The following CNTN6 variants were observed in gnomAD, a reference collection of about 807,000 sequenced individuals.
CNTN6 encodes the protein contactin-6.
Under a neutral mutation model 122.8 loss-of-function variants are expected in CNTN6, and 137 were observed. That is an observed-to-expected ratio of 1.12 (90% CI 0.97 to 1.29). CNTN6 has a LOEUF of 1.29. Ranked by LOEUF, CNTN6 falls within the 50% of genes most tolerant of loss-of-function variation. The pLI is 0.00. For synonymous variants in CNTN6, 570 were observed against 426.0 expected (o/e 1.34, Z -4.16); for missense variants, 1,634 against 1,223.4 (o/e 1.34, Z -5.01).
At chr3:1,256,062 G>A (rs562968638) in intron 4 of CNTN6, among the ~76,000 whole-genome samples, 122 of 152,034 alleles carry the variant, frequency 8.0e-4, no homozygotes, top group African/African-American at 2.6e-3. Context: ...GTAGAGACAA[G>A]GTCTCCCTAT....
chr3:1,328,778 A>T (rs1701877547), intron 10 of CNTN6, among the ~76,000 whole-genome samples: 2 of 151,700 alleles, frequency 1.3e-5, no homozygotes, highest in Non-Finnish European at 2.9e-5. Context: ...AAAGAACTTC[A>T]GTTCACTTGA....
intron 1 of CNTN6, among the ~76,000 whole-genome samples, chr3:1,093,790 T>C (rs1181716923): frequency 1.4e-4 from 22 of 152,180 alleles, no homozygotes; most frequent in Admixed American, 1.4e-3. Context: ...ATGAAAACTT[T>C]CAGAAGTTGA....
intron 5 of CNTN6, among the ~76,000 whole-genome samples, chr3:1,282,102 C>T (rs987022293): frequency 2.6e-5 from 4 of 152,002 alleles, no homozygotes; most frequent in Non-Finnish European, 5.9e-5. Context: ...AAAAACAAAA[C>T]AGAAAAGTGT....
chr3:1,356,321 C>G (rs1352830542), intron 12 of CNTN6, among the ~76,000 whole-genome samples: 1 of 151,744 alleles, frequency 6.6e-6, no homozygotes, highest in African/African-American at 2.4e-5. Context: ...TTATTTTCAA[C>G]TGAAATGTCG....
At position 1,185,199 on chromosome 3, in the gene CNTN6, T is replaced by C. The variant is rs9842889; in HGVS notation, c.56-35488T>C. On this transcript the variant is annotated intron_variant, in intron 2 of 22. Coordinates refer to ENST00000446702, the MANE Select transcript of CNTN6 (RefSeq NM_001289080.2). Reference sequence around the variant, plus strand: ...GGTAATAGAATATGTCCTATTTGGTTCAGGAAACTTAAAATTCCTTCTCCT... The same window carrying C: ...GGTAATAGAATATGTCCTATTTGGTCCAGGAAACTTAAAATTCCTTCTCCT... Among the ~76,000 whole-genome samples the C allele has an allele frequency of 4.9e-3, 739 of 152,306 alleles. 5 individuals are homozygous for C. Among genetic ancestry groups the C allele is most frequent in the African/African-American group, 0.017 (693 of 41,572 alleles).
At chr3:1,344,023 G>T (rs1388382982) in intron 11 of CNTN6, among the ~76,000 whole-genome samples, 1 of 152,148 alleles carries the variant, frequency 6.6e-6, no homozygotes, top group Non-Finnish European at 1.5e-5. Context: ...TGACTCAGTA[G>T]AAAAAACACT....
At chr3:1,331,399 T>A (rs1575734814) in intron 11 of CNTN6, among the ~76,000 whole-genome samples, 1 of 152,012 alleles carries the variant, frequency 6.6e-6, no homozygotes, top group Admixed American at 6.6e-5. Context: ...AGAAAGGCTG[T>A]TCTTGGGGAA....
At chr3:1,329,592 C>G (rs548805642) in intron 10 of CNTN6, among the ~76,000 whole-genome samples, 193 bp from the exon 11 acceptor site, 15 of 151,896 alleles carry the variant, frequency 9.9e-5, no homozygotes, top group African/African-American at 3.4e-4. Flanking sequence ...CTTTTGTCAT[C>G]TTCATTTTAC....
intron 2 of CNTN6, among the ~76,000 whole-genome samples, chr3:1,204,758 T>C (rs1417545860): frequency 2.6e-5 from 4 of 152,190 alleles, no homozygotes; most frequent in Admixed American, 6.5e-5. Context: ...GCTCTTGTTT[T>C]TCACGGTTAC....
chr3:1,235,473 G>T lies in CNTN6; in HGVS notation c.358+7480G>T, dbSNP rs1259888482. 6.6e-5 allele frequency among the ~76,000 whole-genome samples: 10 copies of T among 151,130 alleles called. No individual in the cohort carries two copies. In the East Asian group the frequency reaches 1.9e-3, roughly 29 times the overall value. ...TAAATAAATATATAATACATATAAA[G>T]AGCATTTATAAGTAATAATGTGTAT... On this transcript the variant is annotated intron_variant, in intron 4 of 22. Coordinates refer to ENST00000446702, the MANE Select transcript of CNTN6 (RefSeq NM_001289080.2).
rs147217772 is a variant in CNTN6 at position 1,383,872 on chromosome 3, T to C, written c.2517+464T>C. Among the ~76,000 whole-genome samples, 627 of 152,288 alleles carry C rather than the reference T, an allele frequency of 4.1e-3. 6 individuals are homozygous for C. The highest frequency in any genetic ancestry group is 0.014 in the African/African-American group (580 of 41,578). ...AAAAAGGGTGGTAACCTCCAGGCCA[T>C]TGCCATAGAAAGGGATGGTAACTTC... On this transcript the variant is annotated intron_variant, in intron 19 of 22. Coordinates refer to ENST00000446702, the MANE Select transcript of CNTN6 (RefSeq NM_001289080.2).
chr3:1,324,405 C>T (rs115158714), intron 8 of CNTN6, among the ~76,000 whole-genome samples: 5,011 of 149,634 alleles, frequency 0.033, 208 homozygotes, highest in South Asian at 0.058. Context: ...CAGCACTGTG[C>T]GTTGTAGATG....
chr3:1,184,154 T>C (rs1443600726), intron 2 of CNTN6, among the ~76,000 whole-genome samples: 2 of 152,166 alleles, frequency 1.3e-5, no homozygotes, highest in Non-Finnish European at 2.9e-5. Flanking sequence ...TGTGTTTTAT[T>C]GGTTAGAAAT....
chr3:1,134,133 A>G (rs1030227024), intron 1 of CNTN6, among the ~76,000 whole-genome samples: 3 of 152,180 alleles, frequency 2.0e-5, no homozygotes, highest in Non-Finnish European at 2.9e-5. Flanking sequence ...CCGATCGACC[A>G]TATAACGTCT....
chr3:1,132,564 G>C (rs2092364281), intron 1 of CNTN6, among the ~76,000 whole-genome samples: 1 of 151,886 alleles, frequency 6.6e-6, no homozygotes, highest in East Asian at 1.9e-4. Flanking sequence ...GTTTGGGGCA[G>C]GAGGATCATT....
chr3:1,381,871 C>T (rs936369356), intron 17 of CNTN6, among the ~76,000 whole-genome samples: 3 of 152,154 alleles, frequency 2.0e-5, no homozygotes, highest in East Asian at 3.9e-4. Flanking sequence ...TGTTAGTCAC[C>T]GTAGAGTACA....
intron 7 of CNTN6, among the ~76,000 whole-genome samples, chr3:1,311,223 G>A (rs1376567901): frequency 7.0e-6 from 1 of 143,344 alleles, no homozygotes; most frequent in Non-Finnish European, 1.5e-5. Flanking sequence ...GTCTTTATAT[G>A]TACATATATG....
At chr3:1,134,482 A>G (rs2092421723) in intron 1 of CNTN6, among the ~76,000 whole-genome samples, 1 of 152,182 alleles carries the variant, frequency 6.6e-6, no homozygotes, top group Non-Finnish European at 1.5e-5. Context: ...GCATCCTGAC[A>G]TAATCCCCTC....
At chr3:1,355,284 A>C (rs1323618373) in intron 12 of CNTN6, among the ~76,000 whole-genome samples, 1 of 151,636 alleles carries the variant, frequency 6.6e-6, no homozygotes, top group Non-Finnish European at 1.5e-5. Context: ...GTATGAAGAA[A>C]AACAGCCTTA....
Sources: allele counts gnomAD v4.1 joint callset (sites outside exome capture counted in the v4.1 genomes callset), GRCh38; gene constraint gnomAD v4.1.1; transcripts MANE v1.5; gene names NCBI Gene and HGNC (gene_info 2026-07-23, HGNC 2026-07-21).